Variants in DIAPH2 observed in about 807,000 individuals in gnomAD.
DIAPH2 encodes the protein diaphanous related formin 2, also known as protein diaphanous homolog 2.
DIAPH2 carries 35 observed loss-of-function variants against 92.7 expected under a neutral mutation model. The ratio of observed to expected loss-of-function variants is 0.38; its 90% CI spans 0.29 to 0.50. The LOEUF is 0.50. Among genes scored for constraint, DIAPH2 ranks in the 20% least tolerant of loss-of-function variants. The pLI is 0.94. For missense variants in DIAPH2, 701 were observed against 819.5 expected, an observed-to-expected ratio of 0.86 and a Z score of 1.77; for synonymous variants, 301 against 280.4, an observed-to-expected ratio of 1.07 and a Z score of -0.73.
intron 19 of DIAPH2, among the ~76,000 whole-genome samples, chrX:97,083,976 G>C (rs2066765733): frequency 9.0e-6 from 1 of 110,499 alleles, no homozygotes; most frequent in Non-Finnish European, 1.9e-5. Context: ...TTCCACCTGT[G>C]AATACAGGCA....
At chrX:96,690,465 T>C (rs1367999551) in intron 1 of DIAPH2, among the ~76,000 whole-genome samples, 1 of 111,838 alleles carries the variant, frequency 8.9e-6, no homozygotes, top group African/African-American at 3.2e-5. Flanking sequence ...TATAGAGCAT[T>C]TTTATTAACC....
intron 25 of DIAPH2, among the ~76,000 whole-genome samples, chrX:97,393,171 T>C (rs2069675767): frequency 9.1e-6 from 1 of 110,476 alleles, no homozygotes; most frequent in African/African-American, 3.3e-5. Context: ...GAAAAGGGAG[T>C]GAGCTCATAC....
chrX:96,723,909 T>C (rs1014696709), intron 1 of DIAPH2, among the ~76,000 whole-genome samples: 11 of 98,102 alleles, frequency 1.1e-4, no homozygotes, highest in Admixed American at 7.0e-4. Flanking sequence ...ATAAGAGTGA[T>C]TCTATAATTT....
intron 9 of DIAPH2, among the ~76,000 whole-genome samples, chrX:96,919,037 G>A (rs772563498): frequency 1.8e-5 from 2 of 112,089 alleles, no homozygotes; most frequent in East Asian, 2.8e-4. Context: ...CACCAGAATA[G>A]AAGGGATTGA....
At chrX:97,573,969 T>C (rs1186888852) in intron 26 of DIAPH2, among the ~76,000 whole-genome samples, 2 of 111,823 alleles carry the variant, frequency 1.8e-5, no homozygotes, top group Admixed American at 1.9e-4. Context: ...CCATCAAGCA[T>C]GATTTTGGTT....
intron 25 of DIAPH2, among the ~76,000 whole-genome samples, chrX:97,387,478 A>G (rs974016976): frequency 1.8e-5 from 2 of 112,291 alleles, no homozygotes; most frequent in East Asian, 5.6e-4. Flanking sequence ...AGGAAAGCCA[A>G]TGTTACAGTT....
chrX:96,749,454 G>A (rs1367175629), intron 3 of DIAPH2, among the ~76,000 whole-genome samples: 2 of 110,327 alleles, frequency 1.8e-5, no homozygotes, highest in Non-Finnish European at 3.8e-5. Flanking sequence ...TTGATATTTG[G>A]TTTAATTTCT....
rs373890324 is a variant in DIAPH2, at chrX:96,957,929, C to T, written c.1716C>T (p.Pro572=). The change falls in exon 16 of 27, where the codon CCC becomes CCT. Residue 572 remains proline (P), a synonymous_variant. Transcript: ENST00000324765. ...CACCACCACCCGCGCCACCTCTACC[C>T]GGAGGAGCTCCTCTTCCTCCTCCAC... The part of the protein sequence containing the change: ...PPPPPPAPPL[P]GGAPLPPPPP... 3.6e-5 allele frequency: 44 copies of T among 1,207,447 alleles called. No individual in the cohort carries two copies. The highest frequency in any genetic ancestry group is 3.0e-4 in the African/African-American group (17 of 56,542).
chrX:97,016,140 T>C (rs2066258826), intron 17 of DIAPH2, among the ~76,000 whole-genome samples: 1 of 111,984 alleles, frequency 8.9e-6, no homozygotes, highest in African/African-American at 3.2e-5. Context: ...TTTCTTCTGT[T>C]TTCATTTGGA....
intron 4 of DIAPH2, among the ~76,000 whole-genome samples, chrX:96,835,161 C>T (rs934479444): frequency 3.6e-5 from 4 of 111,589 alleles, no homozygotes; most frequent in Non-Finnish European, 7.5e-5. Flanking sequence ...CCAACAAGAA[C>T]GGAATTTTAA....
In DIAPH2 at chrX:97,063,753, A is replaced by G. The variant is rs1315441185; in HGVS notation, c.2051-9188A>G. Among the ~76,000 whole-genome samples, 3 of 112,347 alleles carry G rather than the reference A, an allele frequency of 2.7e-5. No individual in the cohort carries two copies. The East Asian group carries it at 8.4e-4, about 31-fold the overall frequency. On this transcript the variant is annotated intron_variant, in intron 17 of 26. Transcript: ENST00000324765. ...CATTTTCTCATATTTGCAAAAGTGG[A>G]AGCAAGTATAAATTGACCTCAGTTG... is the stretch of plus-strand genomic sequence containing the variant.
At chrX:96,974,261 C>T (rs2065946897) in intron 17 of DIAPH2, among the ~76,000 whole-genome samples, 1 of 112,136 alleles carries the variant, frequency 8.9e-6, no homozygotes, top group African/African-American at 3.2e-5. Context: ...AAGGAAACTT[C>T]ACGCTGAAGA....
At chrX:96,883,955 A>C (rs2065238258) in intron 5 of DIAPH2, 1 of 153,306 alleles carries the variant, frequency 6.5e-6, no homozygotes, top group Admixed American at 8.1e-5. Flanking sequence ...GCTTGCTTGA[A>C]ATTACACGTG....
chrX:97,169,252 G>C (rs2067434310), intron 22 of DIAPH2, among the ~76,000 whole-genome samples: 1 of 111,740 alleles, frequency 8.9e-6, no homozygotes, highest in African/African-American at 3.3e-5. Context: ...AACTAGAATG[G>C]AGTTAGCAAG....
intron 17 of DIAPH2, among the ~76,000 whole-genome samples, chrX:96,973,853 G>C (rs1191870448): frequency 3.6e-5 from 4 of 109,831 alleles, no homozygotes; most frequent in Non-Finnish European, 7.6e-5. Flanking sequence ...GTGCCATCAC[G>C]CCCGACTAAT....
chrX:97,428,674 C>A (rs2070095782), intron 25 of DIAPH2, among the ~76,000 whole-genome samples: 1 of 111,695 alleles, frequency 9.0e-6, no homozygotes, highest in Admixed American at 9.6e-5. Flanking sequence ...CTTCTCTTAA[C>A]CCTCTTGCCT....
At chrX:96,946,108 T>C (rs1487207564) in intron 14 of DIAPH2, among the ~76,000 whole-genome samples, 1 of 111,753 alleles carries the variant, frequency 8.9e-6, no homozygotes, top group African/African-American at 3.2e-5. Context: ...TAAGTGATGC[T>C]GCTACTTCAT....
chrX:97,312,664 T>C (rs1036072947), intron 23 of DIAPH2, among the ~76,000 whole-genome samples: 1 of 111,559 alleles, frequency 9.0e-6, no homozygotes, highest in East Asian at 2.8e-4. Context: ...CCATAATTTC[T>C]AGTGGTTCTT....
At chrX:97,154,391 A>G (rs2067307345) in intron 22 of DIAPH2, among the ~76,000 whole-genome samples, 1 of 112,111 alleles carries the variant, frequency 8.9e-6, no homozygotes, top group African/African-American at 3.2e-5. Flanking sequence ...AATTTTAGTT[A>G]TAAATTTAAT....
Sources: gnomAD v4.1 joint callset for allele counts (sites outside exome capture counted in the v4.1 genomes callset) on GRCh38, gnomAD v4.1.1 for gene constraint, MANE v1.5 for transcripts, NCBI Gene and HGNC (gene_info 2026-07-23, HGNC 2026-07-21) for gene names.